The following PTPRF variants were observed in gnomAD, a reference collection of about 807,000 sequenced individuals.
PTPRF encodes receptor-type tyrosine-protein phosphatase F.
In PTPRF, 59 loss-of-function variants were observed where a neutral mutation model predicts 201.8. The ratio of observed to expected loss-of-function variants is 0.29; its 90% confidence interval spans 0.24 to 0.36. The LOEUF (loss-of-function observed/expected upper bound fraction) is 0.36. PTPRF is among the 10% of genes least tolerant of loss of function. PTPRF has a pLI of 1.00. For missense variants in PTPRF, 2,132 were observed against 2,690.5 expected, an observed-to-expected ratio of 0.79 and a Z score of 4.59; for synonymous variants, 1,088 against 1,089.7, an observed-to-expected ratio of 1.00 and a Z score of 0.03.
intron 7 of PTPRF, chr1:43,579,198 C>A: frequency 1.6e-6 from 1 of 639,378 alleles, no homozygotes; most frequent in Admixed American, 2.1e-5. Context: ...GGGCCCGGAG[C>A]CCCATGGGAA....
chr1:43,522,994 C>A (rs911999828), upstream of PTPRF, among the ~76,000 whole-genome samples: 1 of 152,128 alleles, frequency 6.6e-6, no homozygotes, highest in Non-Finnish European at 1.5e-5. Flanking sequence ...AGTGAGGAGG[C>A]GCTGCAGAGG....
At chr1:43,569,219 G>GCCCCCCCCCCCCCCCCCCCCCC (rs11313129) in intron 5 of PTPRF, among the ~76,000 whole-genome samples, 3 of 137,928 alleles carry the variant, frequency 2.2e-5, no homozygotes, top group Admixed American at 7.1e-5. Flanking sequence ...CTCCCTGCTA[G>GCCCCCCCCCCCCCCCCCCCCCC]CCCCCCCCCC....
chr1:43,565,915 G>A (rs1040972256), intron 5 of PTPRF, among the ~76,000 whole-genome samples: 2 of 152,230 alleles, frequency 1.3e-5, no homozygotes, highest in East Asian at 1.9e-4. Flanking sequence ...CATGGCTACC[G>A]GCTGGCCTGG....
intron 2 of PTPRF, among the ~76,000 whole-genome samples, chr1:43,544,345 C>T (rs116274514): frequency 0.016 from 2,428 of 152,296 alleles, 64 homozygotes; most frequent in Middle Eastern, 0.061. Context: ...ATGGGTAGGA[C>T]GAGGGTGGCC....
chr1:43,588,960 G>A lies in PTPRF; in HGVS notation c.909G>A (p.Ser303=), dbSNP rs374499040. The stretch of plus-strand genomic sequence containing the variant: ...ACTACACCTGTGTGGCCATCTCCTC[G>A]CTGGGCATGATCGAGGCCACAGCCC... ...SANYTCVAIS[S]LGMIEATAQV... The change falls in exon 8 of 34, where the codon TCG becomes TCA. Residue 303 remains serine, a synonymous_variant. Transcript: ENST00000359947. This position sits in a 1 kb window ranked among gnomAD's most constrained non-coding sequence, Gnocchi z 5.3. 33 of 1,580,684 alleles carry A rather than the reference G, an allele frequency of 2.1e-5. No individual in the cohort carries two copies. The South Asian group carries it at 2.2e-4, about 11-fold the overall frequency.
Position 43,619,828 on chromosome 1 carries a change from A to G in PTPRF, c.5081A>G (p.Tyr1694Cys), listed in dbSNP as rs1258470133. 1 of 1,614,190 alleles carries G rather than the reference A, an allele frequency of 6.2e-7. No homozygotes were observed. Among genetic ancestry groups the G allele is most frequent in the Non-Finnish European group, 8.5e-7 (1 of 1,179,998 alleles). Residue 1694 changes from tyrosine to cysteine, a missense_variant, in exon 29 of 34, where the codon TAC (tyrosine) becomes TGC (cysteine). Physicochemically the swap from Tyr to Cys is radical, Grantham distance 194 (BLOSUM62 -2). Transcript: ENST00000359947. ...ATCCGTGGTGTGGAGGGCTCTGACT[A>G]CATCAATGCCAGCTTCCTGGATGGT... ...QPIRGVEGSDYINASFLDGYR... is the reference protein window; with the variant it reads ...QPIRGVEGSDCINASFLDGYR...
upstream of PTPRF, among the ~76,000 whole-genome samples, chr1:43,522,994 C>T (rs911999828): frequency 2.6e-5 from 4 of 152,128 alleles, no homozygotes; most frequent in African/African-American, 7.2e-5. Flanking sequence ...AGTGAGGAGG[C>T]GCTGCAGAGG....
intron 3 of PTPRF, among the ~76,000 whole-genome samples, chr1:43,550,373 G>T (rs990173595): frequency 6.8e-6 from 1 of 147,660 alleles, no homozygotes; most frequent in African/African-American, 2.5e-5. Flanking sequence ...GCCCCCAGGC[G>T]CACTCGCCCG....
chr1:43,551,319 C>T (rs887364749), intron 3 of PTPRF, among the ~76,000 whole-genome samples: 2 of 151,968 alleles, frequency 1.3e-5, no homozygotes, highest in Non-Finnish European at 2.9e-5. Flanking sequence ...CCCAGTGGAG[C>T]CTGAGCAGGA....
chr1:43,617,673 G>A (rs775501843), intron 24 of PTPRF, 63 bp from the exon 25 acceptor site: 13 of 1,600,304 alleles, frequency 8.1e-6, no homozygotes, highest in Non-Finnish European at 1.1e-5. Context: ...GGTGCACTGA[G>A]GCATGGTGGG....
In PTPRF at chr1:43,592,615, A is replaced by G; in HGVS notation, c.1813+14A>G. 1 of 1,568,706 alleles carries G rather than the reference A, an allele frequency of 6.4e-7. No homozygotes were observed. The highest frequency in any genetic ancestry group is 1.4e-5 in the African/African-American group (1 of 73,904). On this transcript the variant is annotated intron_variant, in intron 11 of 33. Coordinates refer to ENST00000359947, the MANE Select transcript of PTPRF (RefSeq NM_002840.5). ...CAGCCCAGTCCAGTAAGTGTCTCCC[A>G]AGTCCGCTGCCTGTTACACCTGGGC... is the stretch of plus-strand genomic sequence containing the variant.
At chr1:43,584,598 T>C (rs1648634474) in intron 7 of PTPRF, among the ~76,000 whole-genome samples, 1 of 150,312 alleles carries the variant, frequency 6.7e-6, no homozygotes, top group African/African-American at 2.4e-5. Flanking sequence ...TGGACAAATA[T>C]TTAGCGGGAA....
intron 21 of PTPRF, among the ~76,000 whole-genome samples, chr1:43,608,814 T>A (rs1655769378): frequency 6.6e-6 from 1 of 152,148 alleles, no homozygotes; most frequent in African/African-American, 2.4e-5. Flanking sequence ...CTCTGGCTAT[T>A]TGTTGGCAGC....
chr1:43,551,860 G>A lies in PTPRF; in HGVS notation c.92-1632G>A, dbSNP rs1645057876. Among the ~76,000 whole-genome samples, 4 of 152,056 alleles carry A rather than the reference G, an allele frequency of 2.6e-5. No individual in the cohort carries two copies. In the South Asian group the frequency reaches 6.2e-4, roughly 24 times the overall value. Reference sequence around the variant, plus strand: ...CTGTTTTGGAGATGGGAAAAAAGAGGCTCAGAGATGGTGAGTGACTTGCAT... The same window carrying A: ...CTGTTTTGGAGATGGGAAAAAAGAGACTCAGAGATGGTGAGTGACTTGCAT... On this transcript the variant is annotated intron_variant, in intron 3 of 33. Transcript: ENST00000359947.
intron 5 of PTPRF, among the ~76,000 whole-genome samples, chr1:43,555,928 G>T (rs899571769): frequency 6.6e-6 from 1 of 152,194 alleles, no homozygotes; most frequent in African/African-American, 2.4e-5. Flanking sequence ...CTAGGTTCAT[G>T]GAAGTGGAAT....
rs1201743175 is a variant in PTPRF at position 43,605,565 on chromosome 1, G to T, written c.3426G>T (p.Val1142=). ...FYIVVVPIDR[V]GGSMLTPRWS... The stretch of plus-strand genomic sequence containing the variant: ...TTGTTGTGGTGCCCATTGACCGTGT[G>T]GGCGGGAGCATGCTGACGCCAAGGT... The change falls in exon 19 of 34, where the codon GTG becomes GTT. Residue 1142 remains valine (V), a synonymous_variant. Coordinates refer to ENST00000359947, the MANE Select transcript of PTPRF (RefSeq NM_002840.5). 1 of 1,614,002 alleles carries T rather than the reference G, an allele frequency of 6.2e-7. No individual in the cohort carries two copies. Among genetic ancestry groups the T allele is most frequent in the African/African-American group, 1.3e-5 (1 of 74,928 alleles).
intron 21 of PTPRF, 62 bp downstream of exon 21, chr1:43,607,030 C>T (rs963219314): frequency 1.7e-5 from 27 of 1,585,168 alleles, no homozygotes; most frequent in Admixed American, 6.7e-5. Flanking sequence ...AGGCCCTCTC[C>T]GGGTGTGGTG....
At chr1:43,562,596 T>C (rs535278303) in intron 5 of PTPRF, among the ~76,000 whole-genome samples, 14 of 151,814 alleles carry the variant, frequency 9.2e-5, no homozygotes, top group Non-Finnish European at 7.4e-5. Context: ...TTAGTAGAGA[T>C]GGGGTTTCAC....
At chr1:43,567,501 G>A (rs1400565436) in intron 5 of PTPRF, among the ~76,000 whole-genome samples, 7 of 152,210 alleles carry the variant, frequency 4.6e-5, no homozygotes, top group African/African-American at 7.2e-5. Flanking sequence ...AGGCTGGGGC[G>A]GCAAGGCCGT....
Sources: allele counts gnomAD v4.1 joint callset (sites outside exome capture counted in the v4.1 genomes callset), GRCh38; gene constraint gnomAD v4.1.1; non-coding constraint Gnocchi (gnomAD v3.1); transcripts MANE v1.5; gene names NCBI Gene and HGNC (gene_info 2026-07-23, HGNC 2026-07-21).